Variants in UTRN observed in about 807,000 individuals in gnomAD.
The protein encoded by UTRN is dystrophin-related protein 1.
A neutral mutation model predicts 463.9 loss-of-function variants in UTRN; 283 were observed. That is an observed-to-expected ratio of 0.61 (90% CI 0.55 to 0.67). The LOEUF (loss-of-function observed/expected upper bound fraction) is 0.67, where lower values mean the gene tolerates loss of function less well. UTRN is among the 30% of genes least tolerant of loss of function. The pLI is 0.00. For missense variants in UTRN, 3,922 were observed against 4,084.3 expected, an observed-to-expected ratio of 0.96 and a Z score of 1.08; for synonymous variants, 1,442 against 1,431.5, an observed-to-expected ratio of 1.01 and a Z score of -0.17.
chr6:144,388,980 A>G (rs1181143427), intron 2 of UTRN, among the ~76,000 whole-genome samples: 5 of 152,174 alleles, frequency 3.3e-5, no homozygotes, highest in African/African-American at 1.2e-4. Context: ...GTCTCAGTTA[A>G]TTTAGAAAGT....
chr6:144,602,323 G>A (rs1032213560), intron 51 of UTRN, among the ~76,000 whole-genome samples: 14 of 151,294 alleles, frequency 9.3e-5, no homozygotes, highest in African/African-American at 3.4e-4. Flanking sequence ...ATTTTTAGTA[G>A]AGATGGGGTT....
intron 51 of UTRN, among the ~76,000 whole-genome samples, chr6:144,639,682 CT>C (rs78725499): frequency 0.12 from 17,393 of 148,820 alleles, 1,638 homozygotes; most frequent in East Asian, 0.57. Flanking sequence ...TTGCTTCTTA[CT>C]TTTTTTTTTT....
At chr6:144,606,736 C>T (rs1804887793) in intron 51 of UTRN, among the ~76,000 whole-genome samples, 1 of 152,218 alleles carries the variant, frequency 6.6e-6, no homozygotes, top group African/African-American at 2.4e-5. Context: ...CTGCAACACA[C>T]ATTTTCCTAA....
chr6:144,291,991 G>A (rs1804288651), intron 2 of UTRN, 84 bp downstream of exon 2: 1 of 1,354,656 alleles, frequency 7.4e-7, no homozygotes, highest in African/African-American at 1.5e-5. Flanking sequence ...CATTGTTCTT[G>A]CAAGAACTTC....
At chr6:144,312,826 T>G (rs1408599077) in intron 2 of UTRN, among the ~76,000 whole-genome samples, 3 of 152,238 alleles carry the variant, frequency 2.0e-5, no homozygotes, top group Non-Finnish European at 4.4e-5. Context: ...CTGGATATTA[T>G]ATTCTTTTGG....
intron 45 of UTRN, 89 bp downstream of exon 45, chr6:144,539,532 T>C: frequency 1.4e-6 from 2 of 1,401,302 alleles, no homozygotes; most frequent in African/African-American, 1.4e-5. Flanking sequence ...TACTTTCAAG[T>C]ATGTCCAAAT....
At chr6:144,548,974 A>G (rs1798663179) in intron 47 of UTRN, 120 bp downstream of exon 47, 4 of 1,030,978 alleles carry the variant, frequency 3.9e-6, no homozygotes, top group Non-Finnish European at 5.6e-6. Context: ...AAAATTCTGT[A>G]TCTGTCAAAC....
intron 37 of UTRN, among the ~76,000 whole-genome samples, chr6:144,515,444 T>G (rs78733730): frequency 1.2e-4 from 18 of 152,266 alleles, no homozygotes; most frequent in Non-Finnish European, 2.5e-4. Flanking sequence ...TCACACTCTA[T>G]ATATGTCTTC....
Position 144,480,046 on chromosome 6 carries a change from A to G in UTRN, c.3507+64A>G, listed in dbSNP as rs554442605. Reference sequence around the variant, plus strand: ...TCCCTCCTCCCTTTAAAACCAGCACATCAATCATCTGTCTATCTGTCAAAC... The same window carrying G: ...TCCCTCCTCCCTTTAAAACCAGCACGTCAATCATCTGTCTATCTGTCAAAC... On this transcript the variant is annotated intron_variant, in intron 26 of 74. Coordinates refer to ENST00000367545, the MANE Select transcript of UTRN (RefSeq NM_007124.3). The G allele has an allele frequency of 3.2e-6, 5 of 1,547,248 alleles. No individual in the cohort carries two copies. The Admixed American group carries it at 5.9e-5, about 18-fold the overall frequency.
At position 144,448,734 on chromosome 6, in the gene UTRN, G is replaced by A; in HGVS notation, c.2037G>A (p.Lys679=). 6.2e-7 allele frequency: 1 copy of A among 1,613,978 alleles called. No individual in the cohort carries two copies. The highest frequency in any genetic ancestry group is 1.3e-5 in the African/African-American group (1 of 75,032). ...TGCCTCCTCCTCCTCCCCCAAAGAAGAGACAGATCCATGTGGATATTGAAG... is the reference window on the plus strand; with the variant it reads ...TGCCTCCTCCTCCTCCCCCAAAGAAAAGACAGATCCATGTGGATATTGAAG... The part of the protein sequence containing the change: ...QELPPPPPPK[K]RQIHVDIEAK... The change falls in exon 17 of 75, where the codon AAG becomes AAA. Residue 679 remains lysine, a synonymous_variant. Coordinates refer to ENST00000367545, the MANE Select transcript of UTRN (RefSeq NM_007124.3).
At chr6:144,474,516 A>G (rs1584934073) in intron 24 of UTRN, 88 bp from the exon 25 acceptor site, 1 of 1,344,328 alleles carries the variant, frequency 7.4e-7, no homozygotes, top group South Asian at 1.5e-5. Context: ...TGCTTGTGTA[A>G]TATTTGCAGG....
chr6:144,845,764 A>T (rs1259559661), intron 73 of UTRN, among the ~76,000 whole-genome samples: 1 of 152,156 alleles, frequency 6.6e-6, no homozygotes, highest in Admixed American at 6.5e-5. Flanking sequence ...TCCTGGATGT[A>T]ACTTACAGAT....
intron 54 of UTRN, among the ~76,000 whole-genome samples, chr6:144,740,491 AGGC>A (rs1789926491): frequency 6.6e-6 from 1 of 152,192 alleles, no homozygotes; most frequent in Non-Finnish European, 1.5e-5. Flanking sequence ...AATTGCTTTC[AGGC>A]CTATAGACCA....
At chr6:144,349,576 T>C (rs1319450462) in intron 2 of UTRN, among the ~76,000 whole-genome samples, 4 of 152,208 alleles carry the variant, frequency 2.6e-5, no homozygotes, top group Non-Finnish European at 4.4e-5. Context: ...ACCTAGTCTG[T>C]TGATAATGGG....
At chr6:144,727,724 C>A (rs1788042681) in intron 53 of UTRN, among the ~76,000 whole-genome samples, 1 of 152,082 alleles carries the variant, frequency 6.6e-6, no homozygotes, top group Admixed American at 6.6e-5. Flanking sequence ...GAGATCGCAC[C>A]ACTGCACTCC....
intron 51 of UTRN, among the ~76,000 whole-genome samples, chr6:144,645,965 G>T (rs1453526312): frequency 6.6e-6 from 1 of 152,130 alleles, no homozygotes. Flanking sequence ...ACACACTCTA[G>T]GGGTTCATTT....
chr6:144,827,875 T>C (rs1346065161), intron 68 of UTRN, among the ~76,000 whole-genome samples, 199 bp downstream of exon 68: 2 of 152,186 alleles, frequency 1.3e-5, no homozygotes, highest in Admixed American at 6.6e-5. Context: ...ATATATTCTA[T>C]GAAAAGTAAA....
At chr6:144,785,462 A>G (rs2128740536) in intron 61 of UTRN, among the ~76,000 whole-genome samples, 1 of 152,344 alleles carries the variant, frequency 6.6e-6, no homozygotes, top group Non-Finnish European at 1.5e-5. Context: ...AGTCATAATT[A>G]AAGAACTAGT....
intron 1 of UTRN, among the ~76,000 whole-genome samples, chr6:144,287,549 G>GAT (rs1465601949): frequency 2.0e-5 from 3 of 151,832 alleles, no homozygotes; most frequent in Non-Finnish European, 4.4e-5. Flanking sequence ...CACACTGTTG[G>GAT]ATATATATGT....
Sources: gnomAD v4.1 joint callset for allele counts (sites outside exome capture counted in the v4.1 genomes callset) on GRCh38, gnomAD v4.1.1 for gene constraint, MANE v1.5 for transcripts, NCBI Gene and HGNC (gene_info 2026-07-23, HGNC 2026-07-21) for gene names.